The following TRAF2 variants were observed in gnomAD, a reference collection of about 807,000 sequenced individuals.
TRAF2 encodes TNF receptor-associated factor 2.
TRAF2 carries 6 observed loss-of-function variants against 55.6 expected under a neutral mutation model. The ratio of observed to expected loss-of-function variants is 0.11; its 90% CI spans 0.06 to 0.21. The LOEUF (loss-of-function observed/expected upper bound fraction) is 0.21, where lower values mean the gene tolerates loss of function less well. Among genes scored for constraint, TRAF2 ranks in the 10% least tolerant of loss-of-function variants. The probability of loss-of-function intolerance (pLI) is 1.00; values close to 1 mark genes in which losing one functional copy is unlikely to be tolerated. For synonymous variants in TRAF2, 329 were observed against 276.3 expected, an observed-to-expected ratio of 1.19 and a Z score of -1.89; for missense variants, 561 against 684.5, an observed-to-expected ratio of 0.82 and a Z score of 2.01.
intron 4 of TRAF2, among the ~76,000 whole-genome samples, chr9:136,901,099 T>TGTGTGCTGGGCGAGCC (rs17243851): frequency 0.18 from 28,098 of 151,912 alleles, 3,401 homozygotes; most frequent in African/African-American, 0.35. Flanking sequence ...GGTTTGTCCC[T>TGTGTGCTGGGCGAGCC]GTGTGCTGGG....
rs572773528 is a variant in TRAF2, at chr9:136,925,114, C to T, written c.1288-569C>T. On this transcript the variant is annotated intron_variant, in intron 10 of 10. Coordinates refer to ENST00000247668, the MANE Select transcript of TRAF2 (RefSeq NM_021138.4). ...GACTGGAATGAGAGAAGGTCCCTTCCTTTTGCCACAGTTGGCCCAGACTTG... is the reference window on the plus strand; with the variant it reads ...GACTGGAATGAGAGAAGGTCCCTTCTTTTTGCCACAGTTGGCCCAGACTTG... 1.9e-3 allele frequency among the ~76,000 whole-genome samples: 297 copies of T among 152,336 alleles called. 1 individual carries two copies. Among genetic ancestry groups the T allele is most frequent in the Non-Finnish European group, 2.7e-3 (187 of 68,030 alleles).
intron 9 of TRAF2, among the ~76,000 whole-genome samples, chr9:136,921,781 T>TG (rs1850392550): frequency 6.9e-6 from 1 of 145,356 alleles, no homozygotes; most frequent in African/African-American, 2.6e-5. Context: ...GGAGAGGGGG[T>TG]GGGGTGGTGG....
intron 7 of TRAF2, 191 bp downstream of exon 7, chr9:136,916,806 T>C (rs1422668651): frequency 1.7e-6 from 1 of 601,792 alleles, no homozygotes; most frequent in African/African-American, 1.8e-5. Flanking sequence ...CACTCCCTCC[T>C]GGTGGCATTG....
intron 7 of TRAF2, chr9:136,916,823 C>T (rs1850253813): frequency 3.5e-6 from 2 of 579,350 alleles, no homozygotes; most frequent in Non-Finnish European, 6.3e-6. Context: ...ATTGTAGTGC[C>T]TGGCTTTGAC....
chr9:136,892,014 G>A (rs899249206), intron 1 of TRAF2, among the ~76,000 whole-genome samples: 7 of 151,702 alleles, frequency 4.6e-5, no homozygotes, highest in African/African-American at 1.5e-4. Flanking sequence ...CACCGTGCCC[G>A]GCCCATTCTG....
intron 5 of TRAF2, 147 bp downstream of exon 5, chr9:136,908,378 T>G: frequency 2.1e-6 from 2 of 943,056 alleles, no homozygotes; most frequent in Non-Finnish European, 3.0e-6. Context: ...GGGCGGATGT[T>G]TCTTGGCAGA....
At chr9:136,917,765 G>C (rs1323529429) in intron 7 of TRAF2, among the ~76,000 whole-genome samples, 1 of 152,152 alleles carries the variant, frequency 6.6e-6, no homozygotes, top group Non-Finnish European at 1.5e-5. Flanking sequence ...CTTTGTCTGC[G>C]TTGGATAGTC....
chr9:136,917,567 T>TG (rs1475733751), intron 7 of TRAF2, among the ~76,000 whole-genome samples: 1 of 152,320 alleles, frequency 6.6e-6, no homozygotes, highest in East Asian at 1.9e-4. Context: ...GCCTGATGGA[T>TG]GGAGAGGGGC....
upstream of TRAF2, chr9:136,882,789 G>A: frequency 1.0e-6 from 1 of 980,998 alleles, no homozygotes; most frequent in Non-Finnish European, 1.2e-6. Context: ...GGTGGGCGGG[G>A]TGGGGAGGCC....
chr9:136,884,828 C>T (rs1269481935), upstream of TRAF2, among the ~76,000 whole-genome samples: 2 of 152,240 alleles, frequency 1.3e-5, no homozygotes, highest in African/African-American at 4.8e-5. Context: ...TCCCAAAGTG[C>T]TGGGATTATA....
chr9:136,905,723 A>T (rs1564411775), intron 4 of TRAF2, among the ~76,000 whole-genome samples: 1 of 152,164 alleles, frequency 6.6e-6, no homozygotes, highest in African/African-American at 2.4e-5. Context: ...CTGGCCAGGC[A>T]CAGGGGCTCA....
At chr9:136,917,636 G>T (rs1421623859) in intron 7 of TRAF2, among the ~76,000 whole-genome samples, 2 of 152,252 alleles carry the variant, frequency 1.3e-5, no homozygotes, top group African/African-American at 4.8e-5. Flanking sequence ...TTCCTTGCTT[G>T]AAGACAGGGA....
Position 136,920,312 on chromosome 9 carries a change from G to A in TRAF2, c.757G>A (p.Glu253Lys). ...GGCCATGCTACTGAGCTCGGTGCTG[G>A]AGGCAAAGCCCCTCTTGGGAGACCA... The part of the protein sequence containing the change: ...HLAMLLSSVL[E>K]AKPLLGDQSH... Residue 253 changes from glutamate (E) to lysine (K), a missense_variant, in exon 8 of 11, where the codon GAG (glutamate) becomes AAG (lysine). Glu to Lys is a moderately conservative substitution (Grantham distance 56). Around this residue, in one of 2 missense-constraint regions of TRAF2, gnomAD observed 426 missense variants for 476.8 expected, o/e 0.89. Coordinates refer to ENST00000247668, the MANE Select transcript of TRAF2 (RefSeq NM_021138.4). 1.2e-6 allele frequency: 2 copies of A among 1,613,946 alleles called. No individual in the cohort carries two copies. The highest frequency in any genetic ancestry group is 1.7e-6 in the Non-Finnish European group (2 of 1,180,030).
At chr9:136,890,299 A>G (rs1849555243) in intron 1 of TRAF2, 1 of 152,292 alleles carries the variant, frequency 6.6e-6, no homozygotes, top group African/African-American at 2.4e-5. Context: ...TTTTAGAGTA[A>G]AACTGATCTG....
intron 9 of TRAF2, among the ~76,000 whole-genome samples, chr9:136,921,912 C>T (rs1033531930): frequency 3.3e-5 from 5 of 152,212 alleles, no homozygotes; most frequent in African/African-American, 1.2e-4. Flanking sequence ...TCATCTCGGC[C>T]CCAACTCAGT....
At chr9:136,909,169 C>A (rs567053254) in intron 5 of TRAF2, among the ~76,000 whole-genome samples, 8 of 151,134 alleles carry the variant, frequency 5.3e-5, no homozygotes, top group African/African-American at 1.9e-4. Context: ...CCTCGCCAGG[C>A]CTGGGCTTTG....
chr9:136,903,906 T>C (rs899341738), intron 4 of TRAF2, among the ~76,000 whole-genome samples: 2 of 152,156 alleles, frequency 1.3e-5, no homozygotes, highest in African/African-American at 4.8e-5. Context: ...ATGGTCTCGA[T>C]CTCCTGACCT....
Position 136,921,205 on chromosome 9 carries a change from C to T in TRAF2, c.1128C>T (p.Ile376=). 6.2e-7 allele frequency: 1 copy of T among 1,613,824 alleles called. No homozygotes were observed. The change falls in exon 9 of 11, where the codon ATC becomes ATT. Residue 376 remains isoleucine, a synonymous_variant. Transcript: ENST00000247668. ...QEAVAGRIPA[I]FSPAFYTSRY... ...CTGTGGCTGGCCGCATACCCGCCAT[C>T]TTCTCCCCAGGTGTGGTTCTAGGAC...
At chr9:136,919,662 C>T (rs1375193846) in intron 7 of TRAF2, among the ~76,000 whole-genome samples, 1 of 151,708 alleles carries the variant, frequency 6.6e-6, no homozygotes, top group Non-Finnish European at 1.5e-5. Context: ...GTCCCTCCCC[C>T]TCCTTCTTTC....
Sources: allele counts gnomAD v4.1 joint callset (sites outside exome capture counted in the v4.1 genomes callset), GRCh38; gene constraint gnomAD v4.1.1; regional missense constraint gnomAD v4.1.1; transcripts MANE v1.5; gene names NCBI Gene and HGNC (gene_info 2026-07-23, HGNC 2026-07-21).